The following HSDL2 variants were observed in gnomAD, a reference collection of about 807,000 sequenced individuals.
HSDL2 encodes hydroxysteroid dehydrogenase-like protein 2.
A neutral mutation model predicts 46.3 loss-of-function variants in HSDL2; 27 were observed. The observed-to-expected ratio is 0.58, with a 90% CI of 0.43 to 0.80. The LOEUF is 0.80. HSDL2 is among the 30% of genes least tolerant of loss of function. The probability of loss-of-function intolerance (pLI) is 0.00; values close to 1 mark genes in which losing one functional copy is unlikely to be tolerated. For synonymous variants in HSDL2, 153 were observed against 163.6 expected (o/e 0.94, Z 0.50); for missense variants, 451 against 502.7 (o/e 0.90, Z 0.98).
chr9:112,394,615 A>G (rs918341111), intron 1 of HSDL2, among the ~76,000 whole-genome samples: 2 of 152,178 alleles, frequency 1.3e-5, no homozygotes, highest in Non-Finnish European at 2.9e-5. Flanking sequence ...TATTGAAAAT[A>G]TGGGGTATCT....
At chr9:112,469,590 G>A (rs1303856817) in intron 10 of HSDL2, 1 of 146,152 alleles carries the variant, frequency 6.8e-6, no homozygotes, top group Admixed American at 7.0e-5. Context: ...ATGAGCCTGG[G>A]AAGTCAAGGC....
intron 8 of HSDL2, among the ~76,000 whole-genome samples, chr9:112,444,232 A>T (rs1264070737): frequency 6.6e-6 from 1 of 152,176 alleles, no homozygotes; most frequent in Non-Finnish European, 1.5e-5. Context: ...GTCCTCTCAT[A>T]GTTCAGCTCT....
chr9:112,459,013 C>A (rs74431847), intron 9 of HSDL2, among the ~76,000 whole-genome samples: 1 of 140,526 alleles, frequency 7.1e-6, no homozygotes, highest in Non-Finnish European at 1.6e-5. Context: ...AAACAAAAAA[C>A]AAAAACAAAA....
chr9:112,423,716 T>C (rs954204119), intron 6 of HSDL2, among the ~76,000 whole-genome samples: 2 of 151,632 alleles, frequency 1.3e-5, no homozygotes, highest in Non-Finnish European at 2.9e-5. Context: ...ATGGTATCTT[T>C]GTTGTTGTTT....
chr9:112,411,129 G>C (rs1343540696), intron 4 of HSDL2, among the ~76,000 whole-genome samples: 1 of 152,140 alleles, frequency 6.6e-6, no homozygotes, highest in Non-Finnish European at 1.5e-5. Flanking sequence ...TGGATGCTGA[G>C]GACAGACTAA....
chr9:112,469,538 C>T (rs975276911), intron 10 of HSDL2, among the ~76,000 whole-genome samples: 1 of 151,658 alleles, frequency 6.6e-6, no homozygotes, highest in Admixed American at 6.6e-5. Flanking sequence ...GTGTTGCTTG[C>T]CTGTAGTCCA....
At chr9:112,426,296 C>T (rs1172501672) in intron 6 of HSDL2, among the ~76,000 whole-genome samples, 2 of 144,942 alleles carry the variant, frequency 1.4e-5, no homozygotes, top group African/African-American at 2.6e-5. Flanking sequence ...AGTGCAGTGG[C>T]ATGATCTCAG....
chr9:112,398,491 T>A (rs915885726), intron 1 of HSDL2, among the ~76,000 whole-genome samples: 3 of 151,984 alleles, frequency 2.0e-5, no homozygotes, highest in Admixed American at 6.6e-5. Flanking sequence ...GGGGTGACGT[T>A]AAGCCAAAGT....
At chr9:112,434,255 G>A (rs1362266918) in intron 6 of HSDL2, 1 of 152,388 alleles carries the variant, frequency 6.6e-6, no homozygotes, top group African/African-American at 2.4e-5. Flanking sequence ...TTGGGGTGGG[G>A]AGTCTGGGAA....
At position 112,433,434 on chromosome 9, in the gene HSDL2, A is replaced by G. The variant is rs115072573; in HGVS notation, c.599-4997A>G. Among the ~76,000 whole-genome samples, 342 of 152,264 alleles carry G rather than the reference A, an allele frequency of 2.2e-3. 3 individuals are homozygous for G. The highest frequency in any genetic ancestry group is 7.8e-3 in the African/African-American group (323 of 41,558). On this transcript the variant is annotated intron_variant, in intron 6 of 10. Coordinates refer to ENST00000398805, the MANE Select transcript of HSDL2 (RefSeq NM_032303.5). ...CTTGTCTGCCAAGTTTAGGAGCTTG[A>G]ATTTTAACCTATATTCAGTGGAGAG... is the stretch of plus-strand genomic sequence containing the variant.
intron 8 of HSDL2, among the ~76,000 whole-genome samples, chr9:112,442,094 T>G (rs1422194186): frequency 6.6e-6 from 1 of 151,042 alleles, no homozygotes; most frequent in East Asian, 1.9e-4. Context: ...AAACCCCGTC[T>G]CTACAAAAAA....
chr9:112,450,340 A>T (rs911763801), intron 8 of HSDL2, among the ~76,000 whole-genome samples: 12 of 151,816 alleles, frequency 7.9e-5, no homozygotes, highest in African/African-American at 2.9e-4. Context: ...TAAAAAAAGC[A>T]TAGAACAGGC....
intron 10 of HSDL2, among the ~76,000 whole-genome samples, chr9:112,468,680 C>T (rs1363196128): frequency 6.6e-6 from 1 of 152,050 alleles, no homozygotes; most frequent in East Asian, 1.9e-4. Flanking sequence ...GTTCCCCATC[C>T]CTTGCTGTAT....
rs1373470604 is a variant in HSDL2 at position 112,467,886 on chromosome 9, C to G, written c.1145-2546C>G. On this transcript the variant is annotated intron_variant, in intron 10 of 10. Coordinates refer to ENST00000398805, the MANE Select transcript of HSDL2 (RefSeq NM_032303.5). ...GCTGTTGTCCTAGAAATTTAACTCT[C>G]TCCTGCACTGAATCTCCTGTTTCCT... Among the ~76,000 whole-genome samples the G allele has an allele frequency of 2.6e-5, 4 of 152,206 alleles. No homozygotes were observed. The South Asian group carries it at 8.3e-4, about 32-fold the overall frequency.
At chr9:112,431,605 C>T (rs1587951621) in intron 6 of HSDL2, among the ~76,000 whole-genome samples, 4 of 152,118 alleles carry the variant, frequency 2.6e-5, no homozygotes, top group South Asian at 4.1e-4. Context: ...TTCTCCTGAA[C>T]GGTTTAGCAC....
intron 6 of HSDL2, among the ~76,000 whole-genome samples, chr9:112,421,990 G>C (rs1410584688): frequency 6.6e-6 from 1 of 152,204 alleles, no homozygotes; most frequent in Non-Finnish European, 1.5e-5. Context: ...CAGATACTCA[G>C]AAGGGCTTTG....
At chr9:112,413,031 A>C (rs1831913399) in intron 4 of HSDL2, among the ~76,000 whole-genome samples, 1 of 152,194 alleles carries the variant, frequency 6.6e-6, no homozygotes, top group African/African-American at 2.4e-5. Context: ...CCACTTAAAA[A>C]AAAAACACTA....
At chr9:112,447,801 T>C (rs1198175701) in intron 8 of HSDL2, among the ~76,000 whole-genome samples, 1 of 41,732 alleles carries the variant, frequency 2.4e-5, no homozygotes, top group African/African-American at 1.2e-4. Context: ...TAATCTTGAA[T>C]TGCATTTGTT....
chr9:112,390,730 G>A (rs966133428), intron 1 of HSDL2, among the ~76,000 whole-genome samples: 1 of 152,006 alleles, frequency 6.6e-6, no homozygotes, highest in African/African-American at 2.4e-5. Flanking sequence ...TGGGATTATA[G>A]GTCTGAGCTA....
Sources: gnomAD v4.1 joint callset for allele counts (sites outside exome capture counted in the v4.1 genomes callset) on GRCh38, gnomAD v4.1.1 for gene constraint, MANE v1.5 for transcripts, NCBI Gene and HGNC (gene_info 2026-07-23, HGNC 2026-07-21) for gene names.